CHCHD6: variants seen among roughly 807,000 people sequenced by gnomAD.
The protein encoded by CHCHD6 is coiled-coil-helix-coiled-coil-helix domain containing 6.
In CHCHD6, 28 loss-of-function variants were observed where a neutral mutation model predicts 32.3. That is an observed-to-expected ratio of 0.87 (90% CI 0.64 to 1.19). The LOEUF (loss-of-function observed/expected upper bound fraction) is 1.19. CHCHD6 is among the 50% of genes most tolerant of loss of function. CHCHD6 has a pLI of 0.00. For missense variants in CHCHD6, 333 were observed against 307.0 expected (o/e 1.08, Z -0.63); for synonymous variants, 122 against 117.5 (o/e 1.04, Z -0.25).
intron 4 of CHCHD6, among the ~76,000 whole-genome samples, chr3:126,824,560 C>CAAAAAAA (rs71150454): frequency 0.026 from 1,022 of 39,910 alleles, 179 homozygotes; most frequent in East Asian, 0.11. Context: ...GACTCTGTCT[C>CAAAAAAA]AAAAAAAAAA....
At chr3:126,790,816 C>G (rs1045580829) in intron 4 of CHCHD6, among the ~76,000 whole-genome samples, 2 of 152,240 alleles carry the variant, frequency 1.3e-5, no homozygotes, top group Non-Finnish European at 2.9e-5. Flanking sequence ...GCCTTCTTCT[C>G]TCAAGTTGTC....
At chr3:126,780,686 C>G (rs1396036080) in intron 4 of CHCHD6, among the ~76,000 whole-genome samples, 1 of 152,166 alleles carries the variant, frequency 6.6e-6, no homozygotes, top group Non-Finnish European at 1.5e-5. Flanking sequence ...GGTGCTGTTT[C>G]AGGCCTTTGG....
intron 4 of CHCHD6, among the ~76,000 whole-genome samples, chr3:126,734,245 G>A (rs139136816): frequency 5.0e-4 from 76 of 152,340 alleles, no homozygotes; most frequent in Non-Finnish European, 3.7e-4. Context: ...TAGGGAGGTT[G>A]CATATCCAGC....
chr3:126,877,908 A>C (rs770893361), intron 5 of CHCHD6, among the ~76,000 whole-genome samples: 4 of 152,244 alleles, frequency 2.6e-5, no homozygotes, highest in Non-Finnish European at 5.9e-5. Flanking sequence ...TTAAAAAAGT[A>C]ATTTGGGTAA....
intron 4 of CHCHD6, among the ~76,000 whole-genome samples, chr3:126,789,840 G>C (rs1000555823): frequency 6.6e-6 from 1 of 151,610 alleles, no homozygotes; most frequent in East Asian, 1.9e-4. Context: ...GGTTAATATT[G>C]TTATGTGTGA....
chr3:126,863,592 C>T (rs1942064401), intron 5 of CHCHD6, among the ~76,000 whole-genome samples: 2 of 137,608 alleles, frequency 1.5e-5, no homozygotes, highest in Non-Finnish European at 3.1e-5. Context: ...CCTCTTCCTC[C>T]ACCATCACCA....
chr3:126,767,847 C>T lies in CHCHD6; in HGVS notation c.411+34625C>T, dbSNP rs190811244. On this transcript the variant is annotated intron_variant, in intron 4 of 7. Coordinates refer to ENST00000290913, the MANE Select transcript of CHCHD6 (RefSeq NM_032343.3). ...CCACTTGTAAGTGGGAACATGCAGCCTTTGGTTTACTGTTCCTGTGTTAGT... is the reference window on the plus strand; with the variant it reads ...CCACTTGTAAGTGGGAACATGCAGCTTTTGGTTTACTGTTCCTGTGTTAGT... 2.4e-3 allele frequency among the ~76,000 whole-genome samples: 361 copies of T among 152,244 alleles called. 7 individuals carry two copies. The highest frequency in any genetic ancestry group is 1.1e-3 in the Non-Finnish European group (73 of 68,024).
intron 6 of CHCHD6, among the ~76,000 whole-genome samples, chr3:126,931,716 C>T (rs2078409292): frequency 6.6e-6 from 1 of 152,214 alleles, no homozygotes; most frequent in South Asian, 2.1e-4. Context: ...CTAAGCTCCC[C>T]TTCTTAGTCC....
intron 5 of CHCHD6, among the ~76,000 whole-genome samples, chr3:126,864,914 C>A (rs1449236670): frequency 7.2e-6 from 1 of 139,534 alleles, no homozygotes; most frequent in Admixed American, 7.1e-5. Flanking sequence ...TCCACCATCA[C>A]CTTCTCCTCC....
At chr3:126,796,920 A>G (rs1178182918) in intron 4 of CHCHD6, among the ~76,000 whole-genome samples, 1 of 152,212 alleles carries the variant, frequency 6.6e-6, no homozygotes, top group African/African-American at 2.4e-5. Flanking sequence ...GTACAGGGCC[A>G]GGAGGCCCTT....
intron 4 of CHCHD6, among the ~76,000 whole-genome samples, chr3:126,759,058 C>G (rs1195127055): frequency 2.0e-5 from 3 of 152,208 alleles, no homozygotes; most frequent in Admixed American, 1.3e-4. Context: ...CCTGTTCTCG[C>G]CAGTCCAGCC....
Position 126,936,255 on chromosome 3 carries a change from G to C in CHCHD6, c.567-21161G>C, listed in dbSNP as rs184444998. 3.7e-3 allele frequency among the ~76,000 whole-genome samples: 563 copies of C among 151,880 alleles called. 2 individuals carry two copies. Among genetic ancestry groups the C allele is most frequent in the Non-Finnish European group, 6.4e-3 (437 of 67,904 alleles). ...GACTCTGGTTCCTCATCTGTGTAGA[G>C]GGGTGGTGATGCTGCCCTTGCAGAG... On this transcript the variant is annotated intron_variant, in intron 6 of 7. Transcript: ENST00000290913.
chr3:126,895,545 G>C (rs558548376), intron 5 of CHCHD6, among the ~76,000 whole-genome samples: 67 of 152,346 alleles, frequency 4.4e-4, no homozygotes, highest in African/African-American at 1.6e-3. Context: ...AGAAATTTGT[G>C]TTCAAGTTCC....
chr3:126,932,911 A>G (rs1173204658), intron 6 of CHCHD6, among the ~76,000 whole-genome samples: 1 of 151,974 alleles, frequency 6.6e-6, no homozygotes, highest in African/African-American at 2.4e-5. Context: ...TGAGGGTCCT[A>G]GGTTGCCCTA....
chr3:126,953,907 G>A (rs547844148), intron 6 of CHCHD6, among the ~76,000 whole-genome samples: 1 of 152,170 alleles, frequency 6.6e-6, no homozygotes, highest in Non-Finnish European at 1.5e-5. Flanking sequence ...CATGGGAGCT[G>A]TTTTGTATGC....
chr3:126,725,352 A>T (rs1001908227), intron 1 of CHCHD6, among the ~76,000 whole-genome samples: 1 of 152,176 alleles, frequency 6.6e-6, no homozygotes, highest in Non-Finnish European at 1.5e-5. Context: ...TTTTGAATGG[A>T]TTCTTTTTTG....
At chr3:126,871,145 TCTC>T (rs2077464784) in intron 5 of CHCHD6, among the ~76,000 whole-genome samples, 2 of 152,218 alleles carry the variant, frequency 1.3e-5, no homozygotes, top group Non-Finnish European at 2.9e-5. Flanking sequence ...TGAAGATTGT[TCTC>T]CTTGATAGAA....
intron 4 of CHCHD6, among the ~76,000 whole-genome samples, chr3:126,809,315 A>G (rs939783765): frequency 1.3e-5 from 2 of 152,150 alleles, no homozygotes; most frequent in African/African-American, 4.8e-5. Flanking sequence ...GCCTCTTGGT[A>G]GCCACTGCTT....
intron 4 of CHCHD6, among the ~76,000 whole-genome samples, chr3:126,843,579 C>T (rs1189939432): frequency 6.6e-6 from 1 of 152,072 alleles, no homozygotes; most frequent in Non-Finnish European, 1.5e-5. Context: ...TTTTATATTT[C>T]CATTACTGCA....
Sources: allele counts gnomAD v4.1 joint callset (sites outside exome capture counted in the v4.1 genomes callset), GRCh38; gene constraint gnomAD v4.1.1; transcripts MANE v1.5; gene names NCBI Gene and HGNC (gene_info 2026-07-23, HGNC 2026-07-21).